Variants in SORCS3 observed in about 807,000 individuals in gnomAD.
SORCS3 encodes VPS10 domain-containing receptor SorCS3.
A neutral mutation model predicts 146.3 loss-of-function variants in SORCS3; 57 were observed. The observed-to-expected ratio is 0.39, with a 90% CI of 0.31 to 0.49. The LOEUF (loss-of-function observed/expected upper bound fraction) is 0.49, where lower values mean the gene tolerates loss of function less well. Ranked by LOEUF, SORCS3 falls within the 20% of genes least tolerant of loss-of-function variation. The pLI is 0.92. For missense variants in SORCS3, 1,341 were observed against 1,575.5 expected, an observed-to-expected ratio of 0.85 and a Z score of 2.52; for synonymous variants, 653 against 618.5, an observed-to-expected ratio of 1.06 and a Z score of -0.83.
At chr10:104,998,247 T>C (rs1489596166) in intron 4 of SORCS3, among the ~76,000 whole-genome samples, 1 of 152,184 alleles carries the variant, frequency 6.6e-6, no homozygotes, top group Non-Finnish European at 1.5e-5. Flanking sequence ...TTTAATTCCC[T>C]GATTCTCTTT....
chr10:105,206,761 A>G (rs545262508), intron 16 of SORCS3, among the ~76,000 whole-genome samples: 1 of 152,178 alleles, frequency 6.6e-6, no homozygotes, highest in East Asian at 1.9e-4. Context: ...TGATTAATCC[A>G]TTGTTTTTGT....
At chr10:105,083,898 A>G (rs74157415) in intron 5 of SORCS3, among the ~76,000 whole-genome samples, 2,120 of 152,316 alleles carry the variant, frequency 0.014, 47 homozygotes, top group African/African-American at 0.048. Context: ...TTCTTACTCT[A>G]GGAGAGATGG....
intron 4 of SORCS3, among the ~76,000 whole-genome samples, chr10:105,007,300 C>T (rs964574963): frequency 1.7e-4 from 26 of 152,044 alleles, no homozygotes; most frequent in African/African-American, 5.3e-4. Context: ...AGGATCTTTA[C>T]AGTTTAGTTG....
At chr10:105,063,670 G>T (rs2055502873) in intron 5 of SORCS3, among the ~76,000 whole-genome samples, 1 of 152,144 alleles carries the variant, frequency 6.6e-6, no homozygotes, top group Non-Finnish European at 1.5e-5. Flanking sequence ...ATAATTGTTT[G>T]GGCCTTGCAA....
chr10:104,686,349 C>T (rs903875211), intron 1 of SORCS3, among the ~76,000 whole-genome samples: 4 of 151,954 alleles, frequency 2.6e-5, no homozygotes, highest in Non-Finnish European at 5.9e-5. Flanking sequence ...GGCATGGGGG[C>T]AGGAGCACAG....
At chr10:105,183,064 C>T (rs999493223) in intron 14 of SORCS3, among the ~76,000 whole-genome samples, 2 of 152,064 alleles carry the variant, frequency 1.3e-5, no homozygotes, top group Non-Finnish European at 2.9e-5. Flanking sequence ...GACAGAGTGG[C>T]TGTAAAGGGG....
chr10:104,904,413 G>T (rs1032466634), intron 2 of SORCS3, among the ~76,000 whole-genome samples: 22 of 152,116 alleles, frequency 1.4e-4, no homozygotes, highest in Admixed American at 3.3e-4. Context: ...CTTTGAACTA[G>T]TAATTACACT....
intron 1 of SORCS3, among the ~76,000 whole-genome samples, chr10:104,658,323 G>A (rs151072950): frequency 6.6e-6 from 1 of 152,286 alleles, no homozygotes; most frequent in Non-Finnish European, 1.5e-5. Flanking sequence ...ATAGCAGAGA[G>A]GTCACATGTA....
At chr10:104,680,676 G>A (rs2015960307) in intron 1 of SORCS3, among the ~76,000 whole-genome samples, 1 of 152,246 alleles carries the variant, frequency 6.6e-6, no homozygotes, top group Admixed American at 6.5e-5. Flanking sequence ...GAGGGGCACA[G>A]ACCAGTGTCT....
At chr10:104,846,553 A>G (rs1163143806) in intron 2 of SORCS3, among the ~76,000 whole-genome samples, 2 of 152,192 alleles carry the variant, frequency 1.3e-5, no homozygotes, top group African/African-American at 4.8e-5. Context: ...AATGTGATAT[A>G]ATTATCTGCC....
At chr10:104,922,095 G>T (rs1036917010) in intron 3 of SORCS3, among the ~76,000 whole-genome samples, 4 of 152,198 alleles carry the variant, frequency 2.6e-5, no homozygotes, top group African/African-American at 9.7e-5. Flanking sequence ...TTATGCCAAT[G>T]TCGCTCTCTG....
chr10:104,865,059 C>A (rs532470505), intron 2 of SORCS3, among the ~76,000 whole-genome samples: 77 of 152,154 alleles, frequency 5.1e-4, no homozygotes, highest in Non-Finnish European at 9.8e-4. Context: ...TATAATAGTA[C>A]CACTTGCAGC....
intron 2 of SORCS3, among the ~76,000 whole-genome samples, chr10:104,845,213 T>C (rs961595593): frequency 6.6e-6 from 1 of 152,184 alleles, no homozygotes; most frequent in African/African-American, 2.4e-5. Context: ...ACATTTTTTT[T>C]TCTTGGTCCT....
chr10:105,246,451 C>T (rs12356206), intron 21 of SORCS3, among the ~76,000 whole-genome samples: 6,396 of 151,828 alleles, frequency 0.042, 201 homozygotes, highest in Non-Finnish European at 0.067. Context: ...TTTTAGGGTA[C>T]ATGTGCACAA....
At chr10:105,260,037 G>T (rs951451483) in intron 25 of SORCS3, among the ~76,000 whole-genome samples, 12 of 152,094 alleles carry the variant, frequency 7.9e-5, no homozygotes, top group African/African-American at 2.9e-4. Flanking sequence ...AAAGCAACTT[G>T]ACAAATTTTT....
intron 1 of SORCS3, among the ~76,000 whole-genome samples, chr10:104,725,660 C>G (rs369252285): frequency 7.0e-4 from 107 of 152,350 alleles, no homozygotes; most frequent in African/African-American, 2.5e-3. Flanking sequence ...TTTACCTACT[C>G]AAGCCTCGGC....
intron 23 of SORCS3, among the ~76,000 whole-genome samples, chr10:105,255,295 G>T (rs896974726): frequency 6.6e-6 from 1 of 152,018 alleles, no homozygotes; most frequent in African/African-American, 2.4e-5. Context: ...ACACAGGAAG[G>T]GGAACATCAC....
chr10:105,112,542 C>A (rs1339830898), intron 7 of SORCS3, among the ~76,000 whole-genome samples: 2 of 152,106 alleles, frequency 1.3e-5, no homozygotes, highest in African/African-American at 4.8e-5. Context: ...TACACAGATG[C>A]TATATGAGCA....
chr10:105,032,643 C>G (rs2692327), intron 4 of SORCS3, among the ~76,000 whole-genome samples: 51,889 of 151,972 alleles, frequency 0.34, 11,093 homozygotes, highest in African/African-American at 0.61. Context: ...CCAAGTTGAA[C>G]GTAGCTATTA....
Sources: gnomAD v4.1 joint callset for allele counts (sites outside exome capture counted in the v4.1 genomes callset) on GRCh38, gnomAD v4.1.1 for gene constraint, MANE v1.5 for transcripts, NCBI Gene and HGNC (gene_info 2026-07-23, HGNC 2026-07-21) for gene names.